KLHL1: variants seen among roughly 807,000 people sequenced by gnomAD.
The protein encoded by KLHL1 is kelch like family member 1, also known as kelch-like protein 1.
In KLHL1, 47 loss-of-function variants were observed where a neutral mutation model predicts 77.7. That is an observed-to-expected ratio of 0.60 (90% CI 0.48 to 0.77). The LOEUF (loss-of-function observed/expected upper bound fraction) is 0.77. Ranked by LOEUF, KLHL1 falls within the 30% of genes least tolerant of loss-of-function variation. KLHL1 has a pLI of 0.00. For synonymous variants in KLHL1, 360 were observed against 325.2 expected (o/e 1.11, Z -1.15); for missense variants, 925 against 910.8 (o/e 1.02, Z -0.20).
chr13:69,793,798 A>G (rs1013406864), intron 7 of KLHL1, among the ~76,000 whole-genome samples: 1 of 152,150 alleles, frequency 6.6e-6, no homozygotes, highest in African/African-American at 2.4e-5. Flanking sequence ...GAGAGTAATC[A>G]TATATATTTG....
At chr13:69,870,688 A>G (rs1880547830) in intron 5 of KLHL1, among the ~76,000 whole-genome samples, 2 of 151,954 alleles carry the variant, frequency 1.3e-5, no homozygotes, top group Admixed American at 1.3e-4. Context: ...GCATCGGGTA[A>G]ACATTCCCAT....
At chr13:70,072,156 G>A (rs753861887) in intron 1 of KLHL1, among the ~76,000 whole-genome samples, 1 of 151,982 alleles carries the variant, frequency 6.6e-6, no homozygotes, top group Non-Finnish European at 1.5e-5. Flanking sequence ...GTATAGCTAA[G>A]AAATACTATG....
At chr13:70,095,042 G>C (rs1409131215) in intron 1 of KLHL1, among the ~76,000 whole-genome samples, 1 of 152,138 alleles carries the variant, frequency 6.6e-6, no homozygotes, top group African/African-American at 2.4e-5. Flanking sequence ...TACAGCTACT[G>C]TTGTAGCTCC....
chr13:70,011,738 C>G (rs1016933120), intron 1 of KLHL1, among the ~76,000 whole-genome samples: 2 of 152,172 alleles, frequency 1.3e-5, no homozygotes, highest in Admixed American at 1.3e-4. Flanking sequence ...TTAGAAAAGT[C>G]AGGCTTAGGA....
chr13:69,732,029 A>C (rs1283494118), intron 8 of KLHL1, among the ~76,000 whole-genome samples: 1 of 152,106 alleles, frequency 6.6e-6, no homozygotes, highest in Admixed American at 6.6e-5. Flanking sequence ...AAGATAACAC[A>C]CTCAAAATAA....
At chr13:69,951,679 T>G (rs559960109) in intron 3 of KLHL1, among the ~76,000 whole-genome samples, 1 of 151,640 alleles carries the variant, frequency 6.6e-6, no homozygotes, top group Non-Finnish European at 1.5e-5. Flanking sequence ...GTTTAACAGG[T>G]AATTTTTTAT....
chr13:69,813,481 T>TACACACAC (rs141973704), intron 6 of KLHL1, among the ~76,000 whole-genome samples: 18,690 of 146,212 alleles, frequency 0.13, 1,272 homozygotes, highest in Non-Finnish European at 0.15. Context: ...TACACACACA[T>TACACACAC]ACACACACAC....
At chr13:70,101,825 A>G (rs1441821636) in intron 1 of KLHL1, among the ~76,000 whole-genome samples, 1 of 152,136 alleles carries the variant, frequency 6.6e-6, no homozygotes, top group Non-Finnish European at 1.5e-5. Context: ...GTAGAACACC[A>G]TGTAACGTTT....
chr13:69,781,688 T>C (rs999699653), intron 7 of KLHL1, among the ~76,000 whole-genome samples: 1 of 152,178 alleles, frequency 6.6e-6, no homozygotes, highest in Non-Finnish European at 1.5e-5. Context: ...GGATACAAAA[T>C]TTGAAACACA....
intron 1 of KLHL1, among the ~76,000 whole-genome samples, chr13:70,085,255 A>G (rs1352450433): frequency 6.6e-6 from 1 of 152,196 alleles, no homozygotes; most frequent in Admixed American, 6.5e-5. Context: ...TGAGGAAAAG[A>G]GTTATTACAC....
intron 6 of KLHL1, among the ~76,000 whole-genome samples, chr13:69,803,570 C>G (rs1939036272): frequency 6.6e-6 from 1 of 152,166 alleles, no homozygotes; most frequent in South Asian, 2.1e-4. Flanking sequence ...CGCTATATAG[C>G]ATTGTTGACT....
intron 1 of KLHL1, among the ~76,000 whole-genome samples, chr13:70,040,450 C>T (rs1886348688): frequency 6.6e-6 from 1 of 152,032 alleles, no homozygotes; most frequent in Non-Finnish European, 1.5e-5. Flanking sequence ...CCTGTGAATC[C>T]AATATTTTAA....
chr13:69,896,152 C>T (rs918742113), intron 4 of KLHL1, among the ~76,000 whole-genome samples: 4 of 151,960 alleles, frequency 2.6e-5, no homozygotes, highest in African/African-American at 9.7e-5. Flanking sequence ...TTGGTTTGCC[C>T]CACTTTCTCC....
intron 5 of KLHL1, among the ~76,000 whole-genome samples, chr13:69,843,272 C>CA (rs548457395): frequency 1.6e-4 from 24 of 150,956 alleles, no homozygotes; most frequent in African/African-American, 4.1e-4. Context: ...AAGCAAAAGA[C>CA]AAAAAAATAG....
At chr13:69,830,138 G>A (rs1878705283) in intron 6 of KLHL1, among the ~76,000 whole-genome samples, 1 of 149,934 alleles carries the variant, frequency 6.7e-6, no homozygotes, top group South Asian at 2.1e-4. Context: ...TGGCCTAAAT[G>A]CCCCACATAA....
At chr13:69,980,833 C>T (rs1334132620) in intron 1 of KLHL1, among the ~76,000 whole-genome samples, 2 of 152,008 alleles carry the variant, frequency 1.3e-5, no homozygotes, top group African/African-American at 2.4e-5. Flanking sequence ...TACATCTCTG[C>T]CATATCAAAC....
intron 1 of KLHL1, among the ~76,000 whole-genome samples, chr13:70,084,135 A>C (rs542194354): frequency 6.6e-6 from 1 of 152,304 alleles, no homozygotes. Flanking sequence ...ATTGTATGGC[A>C]CTTCATAATT....
At chr13:70,085,800 G>A (rs1238501996) in intron 1 of KLHL1, among the ~76,000 whole-genome samples, 1 of 152,076 alleles carries the variant, frequency 6.6e-6, no homozygotes, top group African/African-American at 2.4e-5. Context: ...GGAGGCAGAG[G>A]TTGCAGTGAG....
chr13:69,850,568 A>C (rs763014629), intron 5 of KLHL1, among the ~76,000 whole-genome samples: 31 of 151,588 alleles, frequency 2.0e-4, no homozygotes, highest in Admixed American at 4.6e-4. Flanking sequence ...TTCCATTCCA[A>C]AAGCCACTTC....
Sources: gnomAD v4.1 joint callset for allele counts (sites outside exome capture counted in the v4.1 genomes callset) on GRCh38, gnomAD v4.1.1 for gene constraint, MANE v1.5 for transcripts, NCBI Gene and HGNC (gene_info 2026-07-23, HGNC 2026-07-21) for gene names.